PTPRR: variants seen among roughly 807,000 people sequenced by gnomAD.
PTPRR encodes protein tyrosine phosphatase receptor type R, also known as receptor-type tyrosine-protein phosphatase R.
PTPRR carries 38 observed loss-of-function variants against 77.2 expected under a neutral mutation model. The ratio of observed to expected loss-of-function variants is 0.49; its 90% confidence interval spans 0.38 to 0.65. The LOEUF is 0.65. Ranked by LOEUF, PTPRR falls within the 30% of genes least tolerant of loss-of-function variation. The probability of loss-of-function intolerance (pLI) is 0.00; values close to 1 mark genes in which losing one functional copy is unlikely to be tolerated. For missense variants in PTPRR, 744 were observed against 799.2 expected, an observed-to-expected ratio of 0.93 and a Z score of 0.83; for synonymous variants, 299 against 283.1, an observed-to-expected ratio of 1.06 and a Z score of -0.57.
At chr12:70,788,807 T>A (rs1037981366) in intron 2 of PTPRR, 8 of 1,499,874 alleles carry the variant, frequency 5.3e-6, no homozygotes, top group Non-Finnish European at 7.2e-6. Flanking sequence ...TCATGAGAGA[T>A]TATCTCACCT....
At position 70,777,646 on chromosome 12, in the gene PTPRR, C is replaced by T. The variant is rs116347629; in HGVS notation, c.358-12868G>A. ...ATAAGTAAAAGTAAAGTGATACCTT[C>T]AGTCTTACGCAGTTAACAATGAGGA... On this transcript the variant is annotated intron_variant, in intron 2 of 13. Transcript: ENST00000283228. Among the ~76,000 whole-genome samples the T allele has an allele frequency of 5.6e-3, 858 of 152,286 alleles. 10 individuals are homozygous for T. The highest frequency in any genetic ancestry group is 0.019 in the African/African-American group (800 of 41,558).
chr12:70,807,828 C>T (rs549876684), intron 2 of PTPRR, among the ~76,000 whole-genome samples: 2 of 152,258 alleles, frequency 1.3e-5, no homozygotes, highest in East Asian at 1.9e-4. Flanking sequence ...ATGTATGTCA[C>T]CTCAGGACTC....
intron 10 of PTPRR, chr12:70,673,042 A>AG: frequency 9.1e-7 from 1 of 1,099,682 alleles, no homozygotes; most frequent in Non-Finnish European, 1.2e-6. Context: ...AAAAAAAAAA[A>AG]AAAAAAAGAA....
chr12:70,859,435 G>C (rs1892711506), intron 2 of PTPRR, among the ~76,000 whole-genome samples: 1 of 151,924 alleles, frequency 6.6e-6, no homozygotes, highest in Non-Finnish European at 1.5e-5. Flanking sequence ...GTTGTTAATT[G>C]TATCATCGTT....
chr12:70,729,631 A>G (rs1389887056), intron 6 of PTPRR, among the ~76,000 whole-genome samples: 3 of 152,184 alleles, frequency 2.0e-5, no homozygotes, highest in African/African-American at 4.8e-5. Context: ...TATGCCCACC[A>G]TAACCACTTT....
intron 4 of PTPRR, among the ~76,000 whole-genome samples, chr12:70,757,394 A>G (rs1890587591): frequency 6.6e-6 from 1 of 152,180 alleles, no homozygotes; most frequent in Non-Finnish European, 1.5e-5. Context: ...TATTTAATTC[A>G]TTTTGTAAAA....
chr12:70,713,651 A>G (rs1305026560), intron 6 of PTPRR, among the ~76,000 whole-genome samples: 1 of 151,294 alleles, frequency 6.6e-6, no homozygotes, highest in East Asian at 1.9e-4. Context: ...ATGACTGACA[A>G]TGTTGAGCAT....
At chr12:70,773,664 C>T (rs953870198) in intron 2 of PTPRR, among the ~76,000 whole-genome samples, 1 of 152,072 alleles carries the variant, frequency 6.6e-6, no homozygotes, top group Non-Finnish European at 1.5e-5. Flanking sequence ...CTTTCTGTTC[C>T]AGGTTAATTT....
intron 2 of PTPRR, among the ~76,000 whole-genome samples, chr12:70,787,369 A>C (rs1485949691): frequency 6.6e-6 from 1 of 152,226 alleles, no homozygotes; most frequent in African/African-American, 2.4e-5. Context: ...ATCAATTATC[A>C]ACTGAGTAAT....
At position 70,647,972 on chromosome 12, in the gene PTPRR, T is replaced by G. The variant is rs536961991; in HGVS notation, c.1881-8695A>C. Among the ~76,000 whole-genome samples the G allele has an allele frequency of 2.6e-5, 4 of 152,344 alleles. No individual in the cohort carries two copies. In the South Asian group the frequency reaches 8.3e-4, roughly 32 times the overall value. On this transcript the variant is annotated intron_variant, in intron 13 of 13. Coordinates refer to ENST00000283228, the MANE Select transcript of PTPRR (RefSeq NM_002849.4). ...TATATAGCAACTAGTTCAGGGTCATTGCTGAAGGCAGGATTAGAATGTGAA... is the reference window on the plus strand; with the variant it reads ...TATATAGCAACTAGTTCAGGGTCATGGCTGAAGGCAGGATTAGAATGTGAA...
In PTPRR at chr12:70,802,634, G is replaced by A. The variant is rs770387221; in HGVS notation, c.358-37856C>T. ...CTCTAAATTTACAAATGCATTTAAC[G>A]AAATTTAGAGTAAGTTAGTTTCCCA... On this transcript the variant is annotated intron_variant, in intron 2 of 13. Transcript: ENST00000283228. Among the ~76,000 whole-genome samples the A allele has an allele frequency of 1.2e-4, 18 of 152,276 alleles. 1 individual carries two copies. Among genetic ancestry groups the A allele is most frequent in the Admixed American group, 9.2e-4 (14 of 15,290 alleles).
intron 2 of PTPRR, among the ~76,000 whole-genome samples, chr12:70,829,310 G>A (rs114940533): frequency 3.0e-4 from 45 of 152,100 alleles, no homozygotes; most frequent in African/African-American, 9.9e-4. Context: ...TTCCTGGAAG[G>A]AAGATTGAAA....
At chr12:70,825,080 C>T (rs550501681) in intron 2 of PTPRR, among the ~76,000 whole-genome samples, 1 of 151,974 alleles carries the variant, frequency 6.6e-6, no homozygotes, top group Non-Finnish European at 1.5e-5. Flanking sequence ...GTCCGGAGTT[C>T]GAGACCAGCC....
chr12:70,739,493 C>T (rs953395032), intron 6 of PTPRR, among the ~76,000 whole-genome samples: 2 of 152,172 alleles, frequency 1.3e-5, no homozygotes, highest in Non-Finnish European at 2.9e-5. Context: ...ACGAGATCTT[C>T]AGATGTGAAG....
At position 70,920,681 on chromosome 12, in the gene PTPRR, C is replaced by CA; in HGVS notation, c.-292dup. ...CGCCCAGAAGCCAAGGCGGAGACGG[C>CA]AGGGTGGACTCCGCGCCAGCCCAGC... On this transcript the variant is annotated 5_prime_UTR_variant, in exon 1 of 14. An upstream open reading frame in the 5' UTR gains an earlier in-frame stop. Transcript: ENST00000283228. 2.7e-6 allele frequency: 1 copy of CA among 367,436 alleles called. No homozygotes were observed. The highest frequency in any genetic ancestry group is 5.2e-6 in the Non-Finnish European group (1 of 191,434). 22.8% of individuals were successfully genotyped at this position (367,436 alleles called of 1,614,324 possible). A position where few individuals can be genotyped will look rare whatever the true frequency, so the allele number is the denominator to read the frequency against.
intron 1 of PTPRR, among the ~76,000 whole-genome samples, chr12:70,904,328 G>A (rs1893586731): frequency 1.3e-5 from 2 of 151,850 alleles, no homozygotes; most frequent in African/African-American, 2.4e-5. Context: ...TTCAATGGGT[G>A]GATAGATAAA....
At chr12:70,711,347 A>G (rs1260758271) in intron 6 of PTPRR, among the ~76,000 whole-genome samples, 1 of 152,130 alleles carries the variant, frequency 6.6e-6, no homozygotes, top group African/African-American at 2.4e-5. Context: ...TGATGAGAAC[A>G]CATGGATATG....
At chr12:70,836,094 C>G (rs1259442175) in intron 2 of PTPRR, among the ~76,000 whole-genome samples, 1 of 152,074 alleles carries the variant, frequency 6.6e-6, no homozygotes, top group Non-Finnish European at 1.5e-5. Flanking sequence ...CTGTCTTCCA[C>G]ATTGCTGCAG....
At chr12:70,850,994 A>C (rs1324845375) in intron 2 of PTPRR, among the ~76,000 whole-genome samples, 1 of 152,186 alleles carries the variant, frequency 6.6e-6, no homozygotes, top group East Asian at 1.9e-4. Flanking sequence ...TGATTTCATA[A>C]ATAAGCCAAC....
Sources: allele counts gnomAD v4.1 joint callset (sites outside exome capture counted in the v4.1 genomes callset), GRCh38; gene constraint gnomAD v4.1.1; transcripts MANE v1.5; gene names NCBI Gene and HGNC (gene_info 2026-07-23, HGNC 2026-07-21).